The following TLCD4 variants were observed in gnomAD, a reference collection of about 807,000 sequenced individuals.
The protein encoded by TLCD4 is TLC domain-containing protein 4.
A neutral mutation model predicts 24.2 loss-of-function variants in TLCD4; 7 were observed. That is an observed-to-expected ratio of 0.29 (90% CI 0.16 to 0.54). The LOEUF (loss-of-function observed/expected upper bound fraction) is 0.54. Ranked by LOEUF, TLCD4 falls within the 20% of genes least tolerant of loss-of-function variation. The pLI, the probability that TLCD4 is intolerant of heterozygous loss-of-function variation, is 0.95. For missense variants in TLCD4, 259 were observed against 313.9 expected, an observed-to-expected ratio of 0.82 and a Z score of 1.32; for synonymous variants, 103 against 106.4, an observed-to-expected ratio of 0.97 and a Z score of 0.20.
intron 6 of TLCD4, among the ~76,000 whole-genome samples, chr1:95,187,631 T>C (rs1678871765): frequency 6.6e-6 from 1 of 152,148 alleles, no homozygotes; most frequent in Non-Finnish European, 1.5e-5. Context: ...GTTAAGCTTG[T>C]TCACCTGAGG....
intron 5 of TLCD4, among the ~76,000 whole-genome samples, chr1:95,160,975 G>T (rs1209319979): frequency 2.6e-5 from 4 of 151,922 alleles, no homozygotes; most frequent in African/African-American, 9.7e-5. Flanking sequence ...TTTTTTTGTT[G>T]TGTCTCTGCC....
the TLCD4 span, among the ~76,000 whole-genome samples, chr1:95,104,663 C>CAAAAAAAAAAAAAAAAAAAAAAAAAAAA: frequency 2.4e-3 from 97 of 40,560 alleles, 9 homozygotes; most frequent in South Asian, 7.7e-3. Context: ...GACTCCGTCT[C>CAAAAAAAAAAAAAAAAAAAAAAAAAAAA]AAAAAAAAAA....
chr1:95,193,368 A>G lies in TLCD4; in HGVS notation c.*1500A>G, dbSNP rs1679088706. 1 of 152,118 alleles carries G rather than the reference A, an allele frequency of 6.6e-6. No individual in the cohort carries two copies. Among genetic ancestry groups the G allele is most frequent in the African/African-American group, 2.4e-5 (1 of 41,444 alleles). 9.4% of individuals were successfully genotyped at this position (152,118 alleles called of 1,614,324 possible). On this transcript the variant is annotated 3_prime_UTR_variant, in exon 7 of 7. Transcript: ENST00000370203. ...TTACTTTAATTCTTGCAATCCAAAT[A>G]TAGAATTATATATTTATCTATTATT...
At chr1:95,100,714 C>A in the TLCD4 span, among the ~76,000 whole-genome samples, 1 of 152,220 alleles carries the variant, frequency 6.6e-6, no homozygotes, top group African/African-American at 2.4e-5. Context: ...TTCAGATTTG[C>A]TTAAAAACAG....
At chr1:95,161,562 C>T (rs1044099249) in intron 5 of TLCD4, among the ~76,000 whole-genome samples, 10 of 152,082 alleles carry the variant, frequency 6.6e-5, no homozygotes, top group African/African-American at 2.4e-4. Context: ...AGTGTTTGCT[C>T]TTGCTTTTCT....
At chr1:95,101,733 T>A in the TLCD4 span, among the ~76,000 whole-genome samples, 1 of 152,094 alleles carries the variant, frequency 6.6e-6, no homozygotes, top group Non-Finnish European at 1.5e-5. Context: ...GTAGGAGAAA[T>A]AAAGTACCTG....
intron 1 of TLCD4, among the ~76,000 whole-genome samples, chr1:95,139,174 CAAAAAAA>C (rs71097248): frequency 6.5e-5 from 5 of 76,808 alleles, no homozygotes; most frequent in East Asian, 3.9e-4. Flanking sequence ...GAACCTGTGT[CAAAAAAA>C]AAAAAAAAAA....
At chr1:95,187,308 G>A (rs901514847) in intron 6 of TLCD4, among the ~76,000 whole-genome samples, 3 of 152,094 alleles carry the variant, frequency 2.0e-5, no homozygotes, top group South Asian at 2.1e-4. Context: ...GATTTCTTTC[G>A]TTTTTGCCCA....
intron 5 of TLCD4, among the ~76,000 whole-genome samples, chr1:95,158,793 A>G (rs1345067130): frequency 7.9e-5 from 12 of 151,914 alleles, no homozygotes. Context: ...TTTGCTCAGA[A>G]TGATGGTTTC....
intron 5 of TLCD4, among the ~76,000 whole-genome samples, chr1:95,169,143 C>T (rs1557692568): frequency 6.6e-6 from 1 of 152,320 alleles, no homozygotes; most frequent in East Asian, 1.9e-4. Context: ...GTACCTTGGA[C>T]TCACCTGGAG....
At chr1:95,113,082 G>A (rs1188609878), upstream of TLCD4, among the ~76,000 whole-genome samples, 6 of 144,030 alleles carry the variant, frequency 4.2e-5, no homozygotes, top group South Asian at 2.2e-4. Flanking sequence ...TTGCTCTGTC[G>A]CCCAGGCTGG....
chr1:95,143,799 T>G, intron 1 of TLCD4, 92 bp from the exon 2 acceptor site: 1 of 1,186,290 alleles, frequency 8.4e-7, no homozygotes, highest in Admixed American at 3.3e-5. Flanking sequence ...TTTTAAAAAT[T>G]ACTAAAATTA....
Position 95,192,925 on chromosome 1 carries a change from G to A in TLCD4, c.*1057G>A, listed in dbSNP as rs1156770093. 2 of 152,120 alleles carry A rather than the reference G, an allele frequency of 1.3e-5. No individual in the cohort carries two copies. The highest frequency in any genetic ancestry group is 2.9e-5 in the Non-Finnish European group (2 of 68,006). 9.4% of individuals were successfully genotyped at this position (152,120 alleles called of 1,614,324 possible). On this transcript the variant is annotated 3_prime_UTR_variant, in exon 7 of 7. Transcript: ENST00000370203. ...CTTCTTCTAAAAATGCATGTTGATAGAGGACTATTTAGGCTAATCGGAGGA... is the reference window on the plus strand; with the variant it reads ...CTTCTTCTAAAAATGCATGTTGATAAAGGACTATTTAGGCTAATCGGAGGA...
chr1:95,178,940 T>C (rs1678543699), intron 6 of TLCD4, among the ~76,000 whole-genome samples: 1 of 152,126 alleles, frequency 6.6e-6, no homozygotes, highest in Admixed American at 6.5e-5. Flanking sequence ...TCAACATGGG[T>C]GAAGTGTTTT....
intron 6 of TLCD4, among the ~76,000 whole-genome samples, chr1:95,175,181 G>A (rs755318380): frequency 3.3e-5 from 5 of 152,196 alleles, no homozygotes; most frequent in African/African-American, 7.2e-5. Context: ...GAAACTCTAC[G>A]CCCATTAAAC....
intron 3 of TLCD4, 103 bp from the exon 4 acceptor site, chr1:95,150,105 T>C: frequency 7.1e-7 from 1 of 1,411,700 alleles, no homozygotes; most frequent in East Asian, 2.5e-5. Context: ...CATTTGAGAA[T>C]CTATAGAAAG....
intron 6 of TLCD4, among the ~76,000 whole-genome samples, chr1:95,181,091 T>C (rs1484100011): frequency 6.6e-6 from 1 of 152,088 alleles, no homozygotes; most frequent in Non-Finnish European, 1.5e-5. Flanking sequence ...AGTGAGACTC[T>C]GTCTCAGAAA....
In TLCD4 at chr1:95,150,220, A is replaced by C; in HGVS notation, c.258A>C (p.Ser86=). Residue 86 remains serine (S), a synonymous_variant, in exon 4 of 7, where the codon TCA becomes TCC. Coordinates refer to ENST00000370203, the MANE Select transcript of TLCD4 (RefSeq NM_152487.3). ...TTTTTTTTTTCAGGGGTGGTCCATC[A>C]CTTGCAAACGTGAATATTGCTATTG... ...TKADPLWGGP[S]LANVNIAIAS... The C allele has an allele frequency of 6.2e-7, 1 of 1,608,124 alleles. No individual in the cohort carries two copies. The highest frequency in any genetic ancestry group is 8.5e-7 in the Non-Finnish European group (1 of 1,178,972).
intron 5 of TLCD4, among the ~76,000 whole-genome samples, chr1:95,170,550 C>T (rs1023115295): frequency 8.6e-5 from 13 of 151,960 alleles, no homozygotes; most frequent in South Asian, 2.1e-4. Flanking sequence ...AGGATGGTCT[C>T]GATCTCCTGA....
Sources: gnomAD v4.1 joint callset for allele counts (sites outside exome capture counted in the v4.1 genomes callset) on GRCh38, gnomAD v4.1.1 for gene constraint, MANE v1.5 for transcripts, NCBI Gene and HGNC (gene_info 2026-07-23, HGNC 2026-07-21) for gene names.